Variants in WWC2 observed in about 807,000 individuals in gnomAD.
The protein encoded by WWC2 is WW and C2 domain containing 2.
Under a neutral mutation model 138.5 loss-of-function variants are expected in WWC2, and 101 were observed. The ratio of observed to expected loss-of-function variants is 0.73; its 90% CI spans 0.62 to 0.86. WWC2 has a LOEUF of 0.86. Among genes scored for constraint, WWC2 ranks in the 40% least tolerant of loss-of-function variants. The pLI, the probability that WWC2 is intolerant of heterozygous loss-of-function variation, is 0.00. For synonymous variants in WWC2, 558 were observed against 538.4 expected (o/e 1.04, Z -0.50); for missense variants, 1,420 against 1,419.4 (o/e 1.00, Z -0.01).
intron 1 of WWC2, among the ~76,000 whole-genome samples, chr4:183,136,241 A>T (rs1219420534): frequency 6.6e-6 from 1 of 152,100 alleles, no homozygotes; most frequent in Non-Finnish European, 1.5e-5. Flanking sequence ...AGCTCTATTT[A>T]GAAAAATGTT....
chr4:183,319,561 GTT>G lies in WWC2; in HGVS notation c.*3834_*3835del, dbSNP rs1173073910. On this transcript the variant is annotated 3_prime_UTR_variant, in exon 23 of 23. Transcript: ENST00000403733. Reference sequence around the variant, plus strand: ...AGACGCTTGTCCTTTCTGGCTTAGTGTTTCAGGTTGGTGTTTCTCGTCTCCAG... The same window carrying G: ...AGACGCTTGTCCTTTCTGGCTTAGTGTCAGGTTGGTGTTTCTCGTCTCCAG... 1 of 1,609,462 alleles carries G rather than the reference GTT, an allele frequency of 6.2e-7. No homozygotes were observed. The highest frequency in any genetic ancestry group is 2.2e-5 in the East Asian group (1 of 44,874).
chr4:183,207,337 A>G (rs2111238045), intron 2 of WWC2, among the ~76,000 whole-genome samples: 1 of 152,254 alleles, frequency 6.6e-6, no homozygotes, highest in South Asian at 2.1e-4. Flanking sequence ...TCCACTGCGG[A>G]CTCACTGATA....
intron 1 of WWC2, among the ~76,000 whole-genome samples, chr4:183,187,553 A>AT (rs1734844192): frequency 8.7e-6 from 1 of 114,770 alleles, no homozygotes; most frequent in African/African-American, 3.3e-5. Context: ...ACTCCGTCTC[A>AT]AAATAATAAT....
chr4:183,203,782 G>A (rs560726023), intron 2 of WWC2, among the ~76,000 whole-genome samples: 6 of 152,250 alleles, frequency 3.9e-5, no homozygotes, highest in South Asian at 2.1e-4. Flanking sequence ...AGAACTTGCC[G>A]TTACATTTCT....
intron 1 of WWC2, among the ~76,000 whole-genome samples, chr4:183,122,820 A>G (rs1191064655): frequency 6.6e-6 from 1 of 152,190 alleles, no homozygotes; most frequent in Non-Finnish European, 1.5e-5. Flanking sequence ...TGCCTGGCCA[A>G]GATCTGTATT....
intron 1 of WWC2, among the ~76,000 whole-genome samples, chr4:183,152,633 A>G (rs1733673614): frequency 6.6e-6 from 1 of 151,902 alleles, no homozygotes; most frequent in Non-Finnish European, 1.5e-5. Context: ...ACCTGTAATC[A>G]TAGCACTTTG....
At position 183,289,629 on chromosome 4, in the gene WWC2, G is replaced by A; in HGVS notation, c.3378G>A (p.Glu1126=). 1 of 1,613,786 alleles carries A rather than the reference G, an allele frequency of 6.2e-7. No homozygotes were observed. Among genetic ancestry groups the A allele is most frequent in the Non-Finnish European group, 8.5e-7 (1 of 1,179,850 alleles). The change falls in exon 21 of 23, where the codon GAG becomes GAA. Residue 1126 remains glutamate (E), a synonymous_variant. Coordinates refer to ENST00000403733, the MANE Select transcript of WWC2 (RefSeq NM_024949.6). ...ERFQRLLKQA[E]KQAEQSKEEQ... ...TCCAGAGGCTTCTGAAGCAAGCTGA[G>A]AAGCAGGTACGCAGCTCAGGGTCTG...
intron 9 of WWC2, among the ~76,000 whole-genome samples, chr4:183,255,627 TACAA>T (rs1337169592): frequency 6.6e-6 from 1 of 152,208 alleles, no homozygotes; most frequent in East Asian, 1.9e-4. Context: ...AGGAAGGACT[TACAA>T]ACAGATTTGT....
In WWC2 at chr4:183,220,607, G is replaced by A. The variant is rs557060500; in HGVS notation, c.522+11582G>A. Among the ~76,000 whole-genome samples the A allele has an allele frequency of 1.1e-3, 172 of 151,840 alleles. 1 individual carries two copies. Among genetic ancestry groups the A allele is most frequent in the African/African-American group, 4.1e-3 (169 of 41,414 alleles). Reference sequence around the variant, plus strand: ...TCCAGCACTTTGGGAGGTCAAGGTGGGCAGATCACAAGGTCAGGAGATTGA... The same window carrying A: ...TCCAGCACTTTGGGAGGTCAAGGTGAGCAGATCACAAGGTCAGGAGATTGA... On this transcript the variant is annotated intron_variant, in intron 4 of 22. Coordinates refer to ENST00000403733, the MANE Select transcript of WWC2 (RefSeq NM_024949.6).
intron 1 of WWC2, among the ~76,000 whole-genome samples, chr4:183,137,855 C>T (rs766196981): frequency 1.8e-4 from 28 of 152,234 alleles, no homozygotes; most frequent in Admixed American, 1.2e-3. Flanking sequence ...CTTGACTTTT[C>T]GTTGTTACTG....
intron 1 of WWC2, among the ~76,000 whole-genome samples, chr4:183,125,431 T>C (rs896114259): frequency 1.3e-5 from 2 of 152,242 alleles, no homozygotes; most frequent in African/African-American, 2.4e-5. Flanking sequence ...TTAAAAAGTT[T>C]TCAAAAATGC....
At chr4:183,215,398 G>GTGAA (rs1735726535) in intron 4 of WWC2, among the ~76,000 whole-genome samples, 1 of 151,978 alleles carries the variant, frequency 6.6e-6, no homozygotes. Flanking sequence ...AACAGTCTTA[G>GTGAA]TGAATTTTGA....
chr4:183,272,881 T>C (rs1737734040), intron 16 of WWC2, among the ~76,000 whole-genome samples: 1 of 152,240 alleles, frequency 6.6e-6, no homozygotes, highest in Non-Finnish European at 1.5e-5. Context: ...TTTCCACTTT[T>C]TGGCTATTAT....
intron 1 of WWC2, among the ~76,000 whole-genome samples, chr4:183,180,884 A>C (rs1171177575): frequency 6.6e-6 from 1 of 152,120 alleles, no homozygotes; most frequent in Non-Finnish European, 1.5e-5. Context: ...GTCTACAAAC[A>C]CTGAAAAAAA....
intron 1 of WWC2, among the ~76,000 whole-genome samples, 154 bp downstream of exon 1, chr4:183,099,776 A>T (rs1743104975): frequency 6.6e-6 from 1 of 151,482 alleles, no homozygotes. Context: ...GGGGCCGAGG[A>T]GCCGCCCGTA....
intron 21 of WWC2, among the ~76,000 whole-genome samples, chr4:183,304,753 G>A (rs908147802): frequency 6.6e-6 from 1 of 152,166 alleles, no homozygotes. Flanking sequence ...TGTTCATAGA[G>A]CTATAGAACA....
chr4:183,254,014 T>G lies in WWC2; in HGVS notation c.1196+15T>G. 1 of 1,609,676 alleles carries G rather than the reference T, an allele frequency of 6.2e-7. No individual in the cohort carries two copies. The highest frequency in any genetic ancestry group is 8.5e-7 in the Non-Finnish European group (1 of 1,178,132). On this transcript the variant is annotated intron_variant, in intron 9 of 22. Coordinates refer to ENST00000403733, the MANE Select transcript of WWC2 (RefSeq NM_024949.6). ...CTGGCCGAGAGGTTTGTTTTCCTTC[T>G]GGAAATAGGGCAGCTTAACTCTTGT... is the stretch of plus-strand genomic sequence containing the variant.
At chr4:183,228,575 C>T (rs758653331) in intron 4 of WWC2, among the ~76,000 whole-genome samples, 23 of 152,070 alleles carry the variant, frequency 1.5e-4, no homozygotes, top group Non-Finnish European at 8.8e-5. Flanking sequence ...TTGGTTAGAC[C>T]ACATTCTCTG....
chr4:183,219,749 G>A (rs1735869518), intron 4 of WWC2, among the ~76,000 whole-genome samples: 1 of 152,140 alleles, frequency 6.6e-6, no homozygotes, highest in African/African-American at 2.4e-5. Flanking sequence ...GATCCAAATA[G>A]TAAATATTTT....
Sources: allele counts gnomAD v4.1 joint callset (sites outside exome capture counted in the v4.1 genomes callset), GRCh38; gene constraint gnomAD v4.1.1; transcripts MANE v1.5; gene names NCBI Gene and HGNC (gene_info 2026-07-23, HGNC 2026-07-21).